Variants in TYW1B observed in about 807,000 individuals in gnomAD.
The protein encoded by TYW1B is tRNA-yW synthesizing protein 1 homolog B, also known as S-adenosyl-L-methionine-dependent tRNA 4-demethylwyosine synthase TYW1B.
In TYW1B, 73 loss-of-function variants were observed where a neutral mutation model predicts 86.9. The ratio of observed to expected loss-of-function variants is 0.84; its 90% CI spans 0.70 to 1.02. TYW1B has a LOEUF of 1.02. TYW1B is among the 50% of genes least tolerant of loss of function. The pLI, the probability that TYW1B is intolerant of heterozygous loss-of-function variation, is 0.00. For missense variants in TYW1B, 637 were observed against 827.4 expected (o/e 0.77, Z 2.82); for synonymous variants, 248 against 292.8 (o/e 0.85, Z 1.56).
chr7:72,743,457 T>G (rs1226489413), intron 8 of TYW1B, among the ~76,000 whole-genome samples: 2 of 152,122 alleles, frequency 1.3e-5, no homozygotes, highest in African/African-American at 4.8e-5. Context: ...AAGGAAGTCA[T>G]TAGTGACCAC....
intron 13 of TYW1B, among the ~76,000 whole-genome samples, chr7:72,576,733 C>T (rs1245400887): frequency 1.1e-4 from 16 of 151,940 alleles, no homozygotes; most frequent in South Asian, 2.1e-4. Flanking sequence ...AGGATGGTCT[C>T]GATCTCCTAA....
At chr7:72,719,733 C>T (rs1786861367) in intron 9 of TYW1B, among the ~76,000 whole-genome samples, 1 of 151,322 alleles carries the variant, frequency 6.6e-6, no homozygotes, top group Admixed American at 6.6e-5. Context: ...AAGAGGCAGG[C>T]TGACCTGTCA....
At chr7:72,785,186 A>G (rs1326560964) in intron 6 of TYW1B, among the ~76,000 whole-genome samples, 1 of 152,018 alleles carries the variant, frequency 6.6e-6, no homozygotes, top group African/African-American at 2.4e-5. Context: ...ATAGTACTAC[A>G]GAGAGAGGGA....
At chr7:72,765,081 G>A (rs1787748584) in intron 7 of TYW1B, among the ~76,000 whole-genome samples, 1 of 152,120 alleles carries the variant, frequency 6.6e-6, no homozygotes, top group Admixed American at 6.6e-5. Context: ...CCAAGGCTTT[G>A]GCTGAAATGT....
At chr7:72,625,662 A>AAAAAC (rs781783786) in intron 12 of TYW1B, among the ~76,000 whole-genome samples, 40 of 151,830 alleles carry the variant, frequency 2.6e-4, no homozygotes, top group Admixed American at 6.6e-4. Context: ...ACTGTCTCAG[A>AAAAAC]AAAACAAAAC....
At chr7:72,612,823 C>T (rs1342192381) in intron 13 of TYW1B, among the ~76,000 whole-genome samples, 1 of 151,860 alleles carries the variant, frequency 6.6e-6, no homozygotes, top group Admixed American at 6.6e-5. Context: ...AATCACGGGT[C>T]ACTGCAGCCT....
At chr7:72,612,363 A>G (rs1195610209) in intron 13 of TYW1B, among the ~76,000 whole-genome samples, 2 of 152,226 alleles carry the variant, frequency 1.3e-5, no homozygotes, top group African/African-American at 4.8e-5. Context: ...TTTGTTTACA[A>G]TAGAATGCTG....
At chr7:72,627,838 A>C (rs1172468192) in intron 12 of TYW1B, among the ~76,000 whole-genome samples, 21 of 152,180 alleles carry the variant, frequency 1.4e-4, no homozygotes, top group Admixed American at 1.3e-3. Context: ...AATCAACAAA[A>C]TCTAAAATAT....
At position 72,673,529 on chromosome 7, in the gene TYW1B, T is replaced by C. The variant is rs113152879; in HGVS notation, c.1506+21158A>G. On this transcript the variant is annotated intron_variant, in intron 11 of 13. Transcript: ENST00000620995. ...GCAAACATCACGTGTTCTCACTTAA[T>C]TGTGGGATCGAAAAATCAAAACAAT... Among the ~76,000 whole-genome samples, 668 of 151,886 alleles carry C rather than the reference T, an allele frequency of 4.4e-3. 1 individual carries two copies. Among genetic ancestry groups the C allele is most frequent in the Non-Finnish European group, 6.1e-3 (414 of 67,908 alleles).
At chr7:72,625,896 CGGG>C (rs71876528) in intron 12 of TYW1B, among the ~76,000 whole-genome samples, 8 of 71,430 alleles carry the variant, frequency 1.1e-4, no homozygotes, top group South Asian at 6.4e-4. Context: ...AGAGGTGGGG[CGGG>C]GGGGGGGGAA....
rs564457765 is a variant in TYW1B, at chr7:72,735,952, C to T, written c.1083-7021G>A. ...GGCTTTTGCTATACTCACAGAGTTG[C>T]ACATTGTTAGAAATGCTTGCTCCCC... On this transcript the variant is annotated intron_variant, in intron 8 of 13. Coordinates refer to ENST00000620995, the MANE Select transcript of TYW1B (RefSeq NM_001145440.3). Among the ~76,000 whole-genome samples the T allele has an allele frequency of 7.2e-5, 11 of 152,162 alleles. No individual in the cohort carries two copies. In the East Asian group the frequency reaches 1.7e-3, roughly 24 times the overall value.
intron 10 of TYW1B, among the ~76,000 whole-genome samples, chr7:72,703,015 TATATATATATA>T (rs1361067012): frequency 0.034 from 1,601 of 47,616 alleles, 71 homozygotes; most frequent in African/African-American, 0.07. Flanking sequence ...TATATATATA[TATATATATATA>T]TTTTTTTTTT....
At chr7:72,600,863 T>TA (rs551188598) in intron 13 of TYW1B, among the ~76,000 whole-genome samples, 481 of 147,104 alleles carry the variant, frequency 3.3e-3, no homozygotes, top group African/African-American at 9.4e-3. Flanking sequence ...CCTTGTCTCT[T>TA]AAAAAAAAAA....
In TYW1B at chr7:72,673,274, G is replaced by A. The variant is rs187976119; in HGVS notation, c.1506+21413C>T. Among the ~76,000 whole-genome samples the A allele has an allele frequency of 4.6e-5, 7 of 152,278 alleles. No individual in the cohort carries two copies. In the East Asian group the frequency reaches 5.8e-4, roughly 13 times the overall value. ...AAAACTCTTTTCAGATCAGTATATC[G>A]AACACGGAAGAGACATCTGCACTCC... On this transcript the variant is annotated intron_variant, in intron 11 of 13. Coordinates refer to ENST00000620995, the MANE Select transcript of TYW1B (RefSeq NM_001145440.3).
intron 11 of TYW1B, among the ~76,000 whole-genome samples, chr7:72,664,649 T>A (rs1397429529): frequency 6.6e-6 from 1 of 152,002 alleles, no homozygotes; most frequent in African/African-American, 2.4e-5. Context: ...AACAAATGGG[T>A]AGCAGGCTTA....
intron 2 of TYW1B, among the ~76,000 whole-genome samples, chr7:72,824,149 T>C (rs1788883333): frequency 6.6e-6 from 1 of 152,058 alleles, no homozygotes; most frequent in South Asian, 2.1e-4. Flanking sequence ...GTATCTGCAC[T>C]CAAGTAGTGA....
At chr7:72,788,511 T>C (rs565854380) in intron 6 of TYW1B, among the ~76,000 whole-genome samples, 3 of 152,260 alleles carry the variant, frequency 2.0e-5, no homozygotes, top group African/African-American at 7.2e-5. Context: ...ACTGCTCCAA[T>C]GAGTATTTCC....
intron 11 of TYW1B, among the ~76,000 whole-genome samples, chr7:72,633,384 T>C (rs1812588725): frequency 1.3e-5 from 2 of 152,224 alleles, no homozygotes; most frequent in African/African-American, 4.8e-5. Context: ...CCTCCCAAGC[T>C]AAGCCCCAGT....
chr7:72,815,727 A>T (rs1303071920), intron 2 of TYW1B, among the ~76,000 whole-genome samples: 6 of 152,168 alleles, frequency 3.9e-5, no homozygotes, highest in African/African-American at 1.4e-4. Context: ...TGGATGATCA[A>T]TCTGCCTTGC....
Sources: gnomAD v4.1 joint callset for allele counts (sites outside exome capture counted in the v4.1 genomes callset) on GRCh38, gnomAD v4.1.1 for gene constraint, MANE v1.5 for transcripts, NCBI Gene and HGNC (gene_info 2026-07-23, HGNC 2026-07-21) for gene names.